Variants in SYT12 observed in about 807,000 individuals in gnomAD.
The protein encoded by SYT12 is synaptotagmin 12.
Under a neutral mutation model 39.5 loss-of-function variants are expected in SYT12, and 27 were observed. That is an observed-to-expected ratio of 0.68 (90% confidence interval 0.50 to 0.94). The LOEUF (loss-of-function observed/expected upper bound fraction) is 0.94, where lower values mean the gene tolerates loss of function less well. Among genes scored for constraint, SYT12 ranks in the 40% least tolerant of loss-of-function variants. The pLI, the probability that SYT12 is intolerant of heterozygous loss-of-function variation, is 0.00. For missense variants in SYT12, 536 were observed against 572.6 expected (o/e 0.94, Z 0.65); for synonymous variants, 233 against 239.7 (o/e 0.97, Z 0.26).
At chr11:67,008,670 C>G (rs1949989831) in intron 1 of SYT12, among the ~76,000 whole-genome samples, 1 of 152,162 alleles carries the variant, frequency 6.6e-6, no homozygotes, top group South Asian at 2.1e-4. Context: ...CCCACCTCAG[C>G]CTCCTGAGTA....
At chr11:67,022,613 C>T (rs1950122952), upstream of SYT12, 1 of 152,244 alleles carries the variant, frequency 6.6e-6, no homozygotes. Flanking sequence ...AGCACGACCC[C>T]TTAGTGGTTA....
chr11:67,026,148 T>C (rs1263199940), intron 1 of SYT12, among the ~76,000 whole-genome samples: 1 of 151,724 alleles, frequency 6.6e-6, no homozygotes, highest in Non-Finnish European at 1.5e-5. Context: ...GCTCAACAGG[T>C]TCTAGCAGTG....
rs1201923724 is a variant in SYT12 at position 67,034,654 on chromosome 11, GC to G, written c.50del (p.Pro17LeufsTer21). 1.3e-6 allele frequency: 2 copies of G among 1,592,784 alleles called. No individual in the cohort carries two copies. The highest frequency in any genetic ancestry group is 1.1e-5 in the South Asian group (1 of 87,518). On this transcript the variant is annotated frameshift_variant, in exon 3 of 8. Coordinates refer to ENST00000527043, the MANE Select transcript of SYT12 (RefSeq NM_177963.4). LOFTEE classifies it high-confidence loss of function. ...TGCCCTTGCCTTGCAGTCATCAAGA[GC>G]CCCCCTGGCTGGGAGGTGGGTGTCT... ...VAEYHLSVIK[S>X]PPGWEVGVYA...
At chr11:67,039,685 G>A in intron 3 of SYT12, 126 bp from the exon 4 acceptor site, 1 of 1,187,874 alleles carries the variant, frequency 8.4e-7, no homozygotes, top group Non-Finnish European at 1.2e-6. Context: ...AAGGGATGCA[G>A]GGCTTCTGTG....
intron 4 of SYT12, among the ~76,000 whole-genome samples, chr11:67,042,287 G>T (rs1950526975): frequency 6.6e-6 from 1 of 152,174 alleles, no homozygotes; most frequent in Non-Finnish European, 1.5e-5. Context: ...TAGCAGGTTG[G>T]CTCTCAGGAC....
exon 2 of SYT12, chr11:67,010,088 G>A (rs1250607314): frequency 6.6e-6 from 1 of 152,374 alleles, no homozygotes; most frequent in African/African-American, 2.4e-5. Flanking sequence ...ATGGCCCGTG[G>A]ACAGTGACAG....
At position 67,040,117 on chromosome 11, in the gene SYT12, C is replaced by A. The variant is rs752646203; in HGVS notation, c.535C>A (p.Leu179Ile). The A allele has an allele frequency of 6.8e-6, 11 of 1,612,768 alleles. No individual in the cohort carries two copies. The East Asian group carries it at 2.2e-4, about 33-fold the overall frequency. Residue 179 changes from leucine (L) to isoleucine (I), a missense_variant, in exon 4 of 8, where the codon CTC becomes ATC. By Grantham distance (5) the Leu-to-Ile change is conservative. Coordinates refer to ENST00000527043, the MANE Select transcript of SYT12 (RefSeq NM_177963.4). ...LNVAVMQGKD[L>I]LEREEASFES... ...CGTGGCGGTGATGCAGGGCAAGGAC[C>A]TCCTGGAGCGGGAGGAGGCCAGCTT...
chr11:67,008,556 T>C (rs1949989021), intron 1 of SYT12, among the ~76,000 whole-genome samples: 1 of 152,084 alleles, frequency 6.6e-6, no homozygotes, highest in Non-Finnish European at 1.5e-5. Flanking sequence ...CATCTCTCTT[T>C]TTTTTTCTTT....
intron 1 of SYT12, among the ~76,000 whole-genome samples, chr11:67,024,922 C>A (rs1420585851): frequency 6.6e-6 from 1 of 152,180 alleles, no homozygotes; most frequent in Non-Finnish European, 1.5e-5. Context: ...GGCCCCTCTC[C>A]CCCGCCGAGG....
chr11:67,030,309 G>T lies in SYT12; in HGVS notation c.34+131G>T, dbSNP rs760979865. 601 of 1,095,718 alleles carry T rather than the reference G, an allele frequency of 5.5e-4. 1 individual carries two copies. The highest frequency in any genetic ancestry group is 7.0e-4 in the Non-Finnish European group (533 of 766,244). 67.9% of individuals were successfully genotyped at this position (1,095,718 alleles called of 1,614,324 possible). On this transcript the variant is annotated intron_variant, in intron 2 of 7. Transcript: ENST00000527043. ...ATGTCTTCACTGTCAAGGACAGTCA[G>T]TGACTTGCCCAAGGTCAGACAGCCC...
intron 1 of SYT12, among the ~76,000 whole-genome samples, chr11:67,008,769 T>G (rs187129329): frequency 1.3e-5 from 2 of 152,328 alleles, no homozygotes; most frequent in Non-Finnish European, 2.9e-5. Context: ...CATGAACTCC[T>G]GACCTCATGT....
chr11:67,042,080 C>A (rs1378949843), intron 4 of SYT12, among the ~76,000 whole-genome samples: 1 of 152,074 alleles, frequency 6.6e-6, no homozygotes, highest in Admixed American at 6.6e-5. Context: ...GTATAGTGGG[C>A]GATTAGGAGC....
intron 3 of SYT12, among the ~76,000 whole-genome samples, chr11:67,035,825 CCTTCCTTCCTTCCTTT>C (rs1161689713): frequency 8.0e-4 from 77 of 96,652 alleles, no homozygotes; most frequent in African/African-American, 2.8e-3. Flanking sequence ...TTCCTTCCTT[CCTTCCTTCCTTCCTTT>C]CTTTCTTTCT....
rs1250054444 is a variant in SYT12 at position 67,049,407 on chromosome 11, C to T, written c.*650C>T. On this transcript the variant is annotated 3_prime_UTR_variant, in exon 8 of 8. Coordinates refer to ENST00000527043, the MANE Select transcript of SYT12 (RefSeq NM_177963.4). ...CCTTTCTCGGGGCCGGAGAAGAGACCAAGAGACCAGGCCCGGGCAGCAGCC... is the reference window on the plus strand; with the variant it reads ...CCTTTCTCGGGGCCGGAGAAGAGACTAAGAGACCAGGCCCGGGCAGCAGCC... The T allele has an allele frequency of 6.6e-6, 1 of 152,244 alleles. No individual in the cohort carries two copies. The highest frequency in any genetic ancestry group is 2.4e-5 in the African/African-American group (1 of 41,460). 9.4% of individuals were successfully genotyped at this position (152,244 alleles called of 1,614,324 possible). A position where few individuals can be genotyped will look rare whatever the true frequency, so the allele number is the denominator to read the frequency against.
At chr11:67,046,587 CT>C (rs1854560384) in intron 7 of SYT12, among the ~76,000 whole-genome samples, 1 of 152,258 alleles carries the variant, frequency 6.6e-6, no homozygotes, top group South Asian at 2.1e-4. Context: ...CTGCCTCACT[CT>C]GAGTGTTCCT....
upstream of SYT12, among the ~76,000 whole-genome samples, chr11:67,020,155 G>A (rs968691975): frequency 3.3e-5 from 5 of 152,144 alleles, no homozygotes; most frequent in East Asian, 3.9e-4. Context: ...GGCTTTGCTC[G>A]GAGGAGGTGA....
At chr11:67,015,206 G>C (rs1029293774) in intron 3 of SYT12, among the ~76,000 whole-genome samples, 1 of 152,226 alleles carries the variant, frequency 6.6e-6, no homozygotes, top group Admixed American at 6.5e-5. Context: ...AGGTGGAAAG[G>C]CAGCGCAGGT....
chr11:67,048,563 C>T (rs748359245), intron 7 of SYT12, 21 bp from the exon 8 acceptor site: 1 of 1,586,876 alleles, frequency 6.3e-7, no homozygotes, highest in Admixed American at 1.7e-5. Flanking sequence ...GTCCTCAGCA[C>T]CCATGTTGCC....
At chr11:67,043,996 C>A in intron 5 of SYT12, 143 bp downstream of exon 5, 2 of 819,906 alleles carry the variant, frequency 2.4e-6, no homozygotes, top group African/African-American at 1.7e-5. Context: ...ACCTGAGCCA[C>A]ATCCGAGGAA....
Sources: allele counts gnomAD v4.1 joint callset (sites outside exome capture counted in the v4.1 genomes callset), GRCh38; gene constraint gnomAD v4.1.1; transcripts MANE v1.5; gene names NCBI Gene and HGNC (gene_info 2026-07-23, HGNC 2026-07-21).